Variants in NRXN3 observed in about 807,000 individuals in gnomAD.
NRXN3 encodes neurexin 3.
A neutral mutation model predicts 137.6 loss-of-function variants in NRXN3; 32 were observed. The observed-to-expected ratio is 0.23, with a 90% CI of 0.18 to 0.31. The LOEUF is 0.31. NRXN3 is among the 10% of genes least tolerant of loss of function. The pLI is 1.00. For missense variants in NRXN3, 1,574 were observed against 2,062.5 expected (o/e 0.76, Z 4.59); for synonymous variants, 798 against 784.5 (o/e 1.02, Z -0.29).
chr14:78,700,869 T>C (rs921017083), intron 6 of NRXN3, among the ~76,000 whole-genome samples: 13 of 152,048 alleles, frequency 8.5e-5, no homozygotes, highest in African/African-American at 3.1e-4. Context: ...CCACCTGGGT[T>C]CAAGCGATTC....
intron 4 of NRXN3, among the ~76,000 whole-genome samples, chr14:78,361,349 G>A (rs1275433313): frequency 1.3e-5 from 2 of 152,298 alleles, no homozygotes; most frequent in East Asian, 3.9e-4. Context: ...TGGTAAGGAA[G>A]GAATGGGACT....
intron 4 of NRXN3, among the ~76,000 whole-genome samples, chr14:78,432,411 G>A (rs1409909220): frequency 6.6e-6 from 1 of 151,932 alleles, no homozygotes; most frequent in Non-Finnish European, 1.5e-5. Context: ...TGCCTGCCAA[G>A]GTTTACCTCT....
intron 16 of NRXN3, among the ~76,000 whole-genome samples, chr14:79,510,547 G>C (rs2096922833): frequency 6.6e-6 from 1 of 152,158 alleles, no homozygotes; most frequent in South Asian, 2.1e-4. Context: ...AGGCCAGATA[G>C]GAAGACAGAT....
chr14:79,185,587 TC>T (rs1289624401), intron 15 of NRXN3, among the ~76,000 whole-genome samples: 3 of 151,438 alleles, frequency 2.0e-5, no homozygotes, highest in Non-Finnish European at 4.4e-5. Flanking sequence ...TGCCTCAGCC[TC>T]CCGAGTAGCT....
rs61451055 is a variant in NRXN3, at chr14:78,664,988, TG to T, written c.1221+13663del. Among the ~76,000 whole-genome samples, 623 of 152,352 alleles carry T rather than the reference TG, an allele frequency of 4.1e-3. 9 individuals carry two copies. The highest frequency in any genetic ancestry group is 0.014 in the African/African-American group (597 of 41,590). On this transcript the variant is annotated intron_variant, in intron 6 of 20. Transcript: ENST00000335750. ...TGCCACTCATTTACTTATTCATGAATGCAGTAAATATTCATGGAATGCCTAC... is the reference window on the plus strand; with the variant it reads ...TGCCACTCATTTACTTATTCATGAATCAGTAAATATTCATGGAATGCCTAC...
At chr14:79,808,023 C>T (rs1468414566) in intron 20 of NRXN3, among the ~76,000 whole-genome samples, 1 of 151,756 alleles carries the variant, frequency 6.6e-6, no homozygotes, top group Non-Finnish European at 1.5e-5. Flanking sequence ...AGAAATATCT[C>T]CTCAGAAGTT....
At chr14:79,195,769 G>A (rs992383431) in intron 15 of NRXN3, among the ~76,000 whole-genome samples, 10 of 152,234 alleles carry the variant, frequency 6.6e-5, no homozygotes, top group Middle Eastern at 3.4e-3. Context: ...TAAGCTAATC[G>A]ATGATATCCT....
intron 15 of NRXN3, chr14:79,279,716 G>A: frequency 3.0e-6 from 3 of 986,266 alleles, no homozygotes; most frequent in Non-Finnish European, 3.6e-6. Context: ...GCCCTTCCGC[G>A]GAGACTCCCA....
intron 16 of NRXN3, among the ~76,000 whole-genome samples, chr14:79,629,340 G>A (rs973913741): frequency 6.6e-6 from 1 of 152,132 alleles, no homozygotes; most frequent in Non-Finnish European, 1.5e-5. Context: ...GGTTGTTATA[G>A]CATTTACAAT....
chr14:78,953,163 G>T (rs2152953820), intron 10 of NRXN3, among the ~76,000 whole-genome samples: 1 of 152,286 alleles, frequency 6.6e-6, no homozygotes, highest in South Asian at 2.1e-4. Context: ...GAAGGTGTGT[G>T]CCTTTAATAA....
chr14:79,351,898 T>C (rs1238941429), intron 15 of NRXN3, among the ~76,000 whole-genome samples: 1 of 152,188 alleles, frequency 6.6e-6, no homozygotes, highest in African/African-American at 2.4e-5. Context: ...ATGTGTTCAT[T>C]TATGCATGCA....
intron 20 of NRXN3, among the ~76,000 whole-genome samples, chr14:79,807,621 A>T (rs1203169704): frequency 1.3e-5 from 2 of 152,206 alleles, no homozygotes; most frequent in Non-Finnish European, 2.9e-5. Flanking sequence ...TTCTTGAATA[A>T]CATGGGGTGG....
At chr14:79,160,375 C>T (rs534183491) in intron 15 of NRXN3, among the ~76,000 whole-genome samples, 5 of 152,058 alleles carry the variant, frequency 3.3e-5, no homozygotes, top group African/African-American at 1.2e-4. Context: ...TGTAGTGCCT[C>T]TTGTAATTTA....
At chr14:79,664,896 A>G (rs1027373803) in intron 17 of NRXN3, among the ~76,000 whole-genome samples, 1 of 152,142 alleles carries the variant, frequency 6.6e-6, no homozygotes, top group African/African-American at 2.4e-5. Context: ...GCTACTCTCT[A>G]TCCTACACAC....
At chr14:78,385,174 T>C (rs2089757156) in intron 4 of NRXN3, among the ~76,000 whole-genome samples, 1 of 151,484 alleles carries the variant, frequency 6.6e-6, no homozygotes, top group African/African-American at 2.4e-5. Flanking sequence ...CACACACAAA[T>C]AAAAAAAATG....
intron 1 of NRXN3, among the ~76,000 whole-genome samples, chr14:78,234,929 A>G (rs866182891): frequency 1.3e-5 from 2 of 150,406 alleles, no homozygotes; most frequent in African/African-American, 4.9e-5. Context: ...CTTTCTTCCT[A>G]TAAGTTATAT....
chr14:78,685,431 C>G (rs926792358), intron 6 of NRXN3, among the ~76,000 whole-genome samples: 2 of 152,126 alleles, frequency 1.3e-5, no homozygotes, highest in Non-Finnish European at 2.9e-5. Flanking sequence ...TGCTGCCTCT[C>G]TATCCTCATC....
chr14:78,299,165 A>C (rs1307889450), intron 4 of NRXN3, among the ~76,000 whole-genome samples: 1 of 152,220 alleles, frequency 6.6e-6, no homozygotes, highest in Non-Finnish European at 1.5e-5. Flanking sequence ...TATGTCAAAA[A>C]ATAGAACTGG....
chr14:79,554,088 AG>A (rs1662480305), intron 16 of NRXN3, among the ~76,000 whole-genome samples: 3 of 152,154 alleles, frequency 2.0e-5, no homozygotes, highest in Non-Finnish European at 4.4e-5. Context: ...TGTTGGGAAA[AG>A]GGTGGTCGGG....
Sources: gnomAD v4.1 joint callset for allele counts (sites outside exome capture counted in the v4.1 genomes callset) on GRCh38, gnomAD v4.1.1 for gene constraint, MANE v1.5 for transcripts, NCBI Gene and HGNC (gene_info 2026-07-23, HGNC 2026-07-21) for gene names.